Variants in CHRNB1 observed in about 807,000 individuals in gnomAD.
CHRNB1 encodes cholinergic receptor nicotinic beta 1 subunit.
CHRNB1 carries 47 observed loss-of-function variants against 53.8 expected under a neutral mutation model. That is an observed-to-expected ratio of 0.87 (90% CI 0.69 to 1.11). The LOEUF is 1.11. CHRNB1 is among the 50% of genes most tolerant of loss of function. The pLI, the probability that CHRNB1 is intolerant of heterozygous loss-of-function variation, is 0.00. For missense variants in CHRNB1, 605 were observed against 654.9 expected, an observed-to-expected ratio of 0.92 and a Z score of 0.83; for synonymous variants, 259 against 263.5, an observed-to-expected ratio of 0.98 and a Z score of 0.16.
chr17:7,447,113 C>T lies in CHRNB1; in HGVS notation c.424C>T (p.Gln142Ter). ...VVSSDGSVRW[Q>*]PPGIYRSSCS... ...GTCCTCCGACGGCTCCGTGCGTTGG[C>T]AACCCCCGGGCATCTATCGCAGCAG... The change falls in exon 5 of 11, where the codon CAA becomes TAA. Residue 142 changes from glutamine to a stop codon, truncating the protein, a stop_gained. Coordinates refer to ENST00000306071, the MANE Select transcript of CHRNB1 (RefSeq NM_000747.3). LOFTEE classifies it high-confidence loss of function. The T allele has an allele frequency of 6.2e-7, 1 of 1,614,092 alleles. No individual in the cohort carries two copies. Among genetic ancestry groups the T allele is most frequent in the Non-Finnish European group, 8.5e-7 (1 of 1,179,988 alleles).
chr17:7,447,025 G>T lies in CHRNB1; in HGVS notation c.354-18G>T. ...CCGGGCGCGGGGCCTGATCCCTGATGAGATCCCTTCTCTGCAGCAATGATG... is the reference window on the plus strand; with the variant it reads ...CCGGGCGCGGGGCCTGATCCCTGATTAGATCCCTTCTCTGCAGCAATGATG... On this transcript the variant is annotated intron_variant, in intron 4 of 10. Coordinates refer to ENST00000306071, the MANE Select transcript of CHRNB1 (RefSeq NM_000747.3). The T allele has an allele frequency of 1.2e-6, 2 of 1,612,688 alleles. No individual in the cohort carries two copies. Among genetic ancestry groups the T allele is most frequent in the Non-Finnish European group, 1.7e-6 (2 of 1,178,652 alleles).
Position 7,445,227 on chromosome 17 carries a change from C to A in CHRNB1, c.58+42C>A, listed in dbSNP as rs1422224594. 2 of 1,611,534 alleles carry A rather than the reference C, an allele frequency of 1.2e-6. No individual in the cohort carries two copies. Among genetic ancestry groups the A allele is most frequent in the South Asian group, 1.1e-5 (1 of 90,876 alleles). ...AAGGGGCAGTGACGGGGCCAGCGGT[C>A]GTGGCCAGGCACCAGGGCTGCACTT... On this transcript the variant is annotated intron_variant, in intron 1 of 10. Coordinates refer to ENST00000306071, the MANE Select transcript of CHRNB1 (RefSeq NM_000747.3). This position sits in a 1 kb window ranked among gnomAD's most constrained non-coding sequence, Gnocchi z 5.7.
At chr17:7,450,039 A>AT (rs1422132610) in intron 7 of CHRNB1, among the ~76,000 whole-genome samples, 3 of 122,460 alleles carry the variant, frequency 2.4e-5, no homozygotes, top group Non-Finnish European at 1.7e-5. Flanking sequence ...CTCTGTCTCA[A>AT]AAAATAAATA....
At chr17:7,456,424 C>T (rs1352303006) in intron 10 of CHRNB1, among the ~76,000 whole-genome samples, 159 bp from the exon 11 acceptor site, 4 of 152,102 alleles carry the variant, frequency 2.6e-5, no homozygotes, top group Non-Finnish European at 5.9e-5. Flanking sequence ...GTTCTTTATG[C>T]CCATGCATTG....
At chr17:7,446,414 G>A (rs1235241697) in intron 3 of CHRNB1, 5 of 536,618 alleles carry the variant, frequency 9.3e-6, no homozygotes, top group African/African-American at 1.9e-5. Flanking sequence ...CTTGAATGCG[G>A]GGGCTCGAGC....
At chr17:7,447,278 C>A in intron 5 of CHRNB1, 127 bp downstream of exon 5, 2 of 935,160 alleles carry the variant, frequency 2.1e-6, no homozygotes, top group Non-Finnish European at 3.4e-6. Flanking sequence ...TGACCCTCAC[C>A]TCGTCTACCC....
Position 7,457,465 on chromosome 17 carries a change from G to T in CHRNB1, c.*742G>T, listed in dbSNP as rs760758832. The stretch of plus-strand genomic sequence containing the variant: ...TTAATAATGTTTATAAGCTGGGCAT[G>T]GTCGCTCAGGCCAGTAATCCCAGTG... On this transcript the variant is annotated 3_prime_UTR_variant, in exon 11 of 11. Transcript: ENST00000306071. The T allele has an allele frequency of 6.6e-6, 1 of 152,232 alleles. No individual in the cohort carries two copies. The highest frequency in any genetic ancestry group is 2.1e-4 in the South Asian group (1 of 4,830). 9.4% of individuals were successfully genotyped at this position (152,232 alleles called of 1,614,324 possible).
At chr17:7,456,181 G>A (rs530332637) in intron 10 of CHRNB1, among the ~76,000 whole-genome samples, 9 of 150,894 alleles carry the variant, frequency 6.0e-5, no homozygotes, top group African/African-American at 2.2e-4. Flanking sequence ...AGCCTGCCGA[G>A]TAGCTGGGAC....
chr17:7,448,720 A>G lies in CHRNB1; in HGVS notation c.752A>G (p.Asn251Ser), dbSNP rs997977756. Residue 251 changes from asparagine to serine, a missense_variant, in exon 7 of 11, where the codon AAC becomes AGC. Transcript: ENST00000306071. Reference protein sequence around the residue: ...IRRKPLFYLVNVIAPCILITL... With the variant: ...IRRKPLFYLVSVIAPCILITL... ...CGCAAGCCTCTCTTCTACCTGGTCA[A>G]CGTCATTGCCCCATGCATCCTCATC... 2 of 1,614,156 alleles carry G rather than the reference A, an allele frequency of 1.2e-6. No individual in the cohort carries two copies. The highest frequency in any genetic ancestry group is 1.3e-5 in the African/African-American group (1 of 75,016).
At chr17:7,447,006 G>A in intron 4 of CHRNB1, 37 bp from the exon 5 acceptor site, 1 of 1,609,740 alleles carries the variant, frequency 6.2e-7, no homozygotes, top group Non-Finnish European at 8.5e-7. Context: ...GCCTCCGGGC[G>A]CGGGGCCTGA....
intron 8 of CHRNB1, among the ~76,000 whole-genome samples, chr17:7,454,794 CTTTTTTTTTTTTTT>C (rs1171593191): frequency 1.5e-4 from 10 of 65,528 alleles, no homozygotes; most frequent in African/African-American, 7.5e-4. Flanking sequence ...CACTAAATAG[CTTTTTTTTTTTTTT>C]TTTTTTTTTT....
intron 2 of CHRNB1, 54 bp from the exon 3 acceptor site, chr17:7,446,015 C>T: frequency 6.5e-7 from 1 of 1,550,150 alleles, no homozygotes; most frequent in Admixed American, 1.7e-5. Flanking sequence ...CCCCGAGCCC[C>T]CTCATTTCTC....
Position 7,445,491 on chromosome 17 carries a change from C to T in CHRNB1, c.198+82C>T. ...TAGGCAAGGCCGGACCAGGGACAGG[C>T]TGGGGGCGGGGCCTGGGACGAGACC... On this transcript the variant is annotated intron_variant, in intron 2 of 10. Coordinates refer to ENST00000306071, the MANE Select transcript of CHRNB1 (RefSeq NM_000747.3). The surrounding 1 kb of genome is among the most constrained non-coding windows in gnomAD (Gnocchi z 5.7). 1 of 1,567,446 alleles carries T rather than the reference C, an allele frequency of 6.4e-7. No individual in the cohort carries two copies. The highest frequency in any genetic ancestry group is 8.6e-7 in the Non-Finnish European group (1 of 1,160,876).
In CHRNB1 at chr17:7,446,778, C is replaced by T. The variant is rs533571974; in HGVS notation, c.244-55C>T. On this transcript the variant is annotated intron_variant, in intron 3 of 10. Coordinates refer to ENST00000306071, the MANE Select transcript of CHRNB1 (RefSeq NM_000747.3). ...CCTTCCTGGGCTTCCTTTGGAAATCCCAAGTCCCTCCCGGCCTCCAACCCG... is the reference window on the plus strand; with the variant it reads ...CCTTCCTGGGCTTCCTTTGGAAATCTCAAGTCCCTCCCGGCCTCCAACCCG... 67 of 1,435,786 alleles carry T rather than the reference C, an allele frequency of 4.7e-5. No homozygotes were observed. The South Asian group carries it at 7.2e-4, about 15-fold the overall frequency. 88.9% of individuals were successfully genotyped at this position (1,435,786 alleles called of 1,614,324 possible).
In CHRNB1 at chr17:7,446,518, T is replaced by A. The variant is rs1032126421; in HGVS notation, c.244-315T>A. ...CATTCTAATTTTTGAAACACTGGTTTGGGGCCGCTAATTTCATTCCCCATC... is the reference window on the plus strand; with the variant it reads ...CATTCTAATTTTTGAAACACTGGTTAGGGGCCGCTAATTTCATTCCCCATC... On this transcript the variant is annotated intron_variant, in intron 3 of 10. Coordinates refer to ENST00000306071, the MANE Select transcript of CHRNB1 (RefSeq NM_000747.3). The A allele has an allele frequency of 1.9e-5, 10 of 527,660 alleles. No homozygotes were observed. The African/African-American group carries it at 1.9e-4, about 10-fold the overall frequency. 32.7% of individuals were successfully genotyped at this position (527,660 alleles called of 1,614,324 possible). A position where few individuals can be genotyped will look rare whatever the true frequency, so the allele number is the denominator to read the frequency against.
At chr17:7,453,514 G>C (rs952656217) in intron 7 of CHRNB1, among the ~76,000 whole-genome samples, 4 of 151,900 alleles carry the variant, frequency 2.6e-5, no homozygotes, top group Non-Finnish European at 5.9e-5. Context: ...GCATTCAGGG[G>C]AGAAGTCCAG....
rs1347283863 is a variant in CHRNB1 at position 7,455,921 on chromosome 17, G to T, written c.1345G>T (p.Glu449Ter). The T allele has an allele frequency of 6.2e-7, 1 of 1,613,960 alleles. No individual in the cohort carries two copies. Among genetic ancestry groups the T allele is most frequent in the East Asian group, 2.2e-5 (1 of 44,888 alleles). ...CAGCTACATCGCTCGACAGCTGCAG[G>T]AACAGGAGGACCACGATGCGGTATG... ...SISYIARQLQ[E>*]QEDHDALKED... The change falls in exon 10 of 11, where the codon GAA (glutamate) becomes TAA (stop). Residue 449 changes from glutamate to a stop codon, truncating the protein, a stop_gained. Transcript: ENST00000306071. LOFTEE classifies it high-confidence loss of function.
chr17:7,450,025 C>T (rs912886777), intron 7 of CHRNB1, among the ~76,000 whole-genome samples: 1 of 147,246 alleles, frequency 6.8e-6, no homozygotes, highest in African/African-American at 2.6e-5. Context: ...GCCTGGGAGA[C>T]AGACTCTGTC....
intron 6 of CHRNB1, 48 bp from the exon 7 acceptor site, chr17:7,448,531 C>G (rs1908752204): frequency 6.3e-7 from 1 of 1,593,938 alleles, no homozygotes. Flanking sequence ...CTGGCACTAA[C>G]CAGGACAGCT....
Sources: gnomAD v4.1 joint callset for allele counts (sites outside exome capture counted in the v4.1 genomes callset) on GRCh38, gnomAD v4.1.1 for gene constraint, Gnocchi (gnomAD v3.1) non-coding constraint, MANE v1.5 for transcripts, NCBI Gene and HGNC (gene_info 2026-07-23, HGNC 2026-07-21) for gene names.